TOX3: variants seen among roughly 807,000 people sequenced by gnomAD.
The protein encoded by TOX3 is CAG trinucleotide repeat-containing gene F9 protein.
Under a neutral mutation model 64.3 loss-of-function variants are expected in TOX3, and 22 were observed. The ratio of observed to expected loss-of-function variants is 0.34; its 90% CI spans 0.24 to 0.49. The LOEUF is 0.49. Among genes scored for constraint, TOX3 ranks in the 20% least tolerant of loss-of-function variants. TOX3 has a pLI of 0.99. For missense variants in TOX3, 661 were observed against 714.4 expected (o/e 0.93, Z 0.85); for synonymous variants, 291 against 273.6 (o/e 1.06, Z -0.63).
At chr16:52,539,424 C>T (rs1489980068) in intron 1 of TOX3, among the ~76,000 whole-genome samples, 1 of 152,230 alleles carries the variant, frequency 6.6e-6, no homozygotes. Flanking sequence ...CATGCAAACA[C>T]ACACATAAGC....
intron 1 of TOX3, among the ~76,000 whole-genome samples, chr16:52,545,680 A>T (rs1963158689): frequency 6.6e-6 from 1 of 152,236 alleles, no homozygotes; most frequent in Non-Finnish European, 1.5e-5. Flanking sequence ...CAGGCCATTC[A>T]GAGCCCGGCT....
intron 1 of TOX3, among the ~76,000 whole-genome samples, chr16:52,528,359 T>C (rs1313649021): frequency 6.6e-6 from 1 of 152,024 alleles, no homozygotes; most frequent in Non-Finnish European, 1.5e-5. Context: ...ATGGAGTAGG[T>C]GGGTTTATAA....
In TOX3 at chr16:52,468,496, G is replaced by C. The variant is rs1960932568; in HGVS notation, c.153+13C>G. On this transcript the variant is annotated intron_variant, in intron 2 of 6. Coordinates refer to ENST00000219746, the MANE Select transcript of TOX3 (RefSeq NM_001080430.4). ...CAAAAAACAGGAACAAACACATTAA[G>C]ACAGTCACCTACCTCACTGGCAGCG... 1.9e-6 allele frequency: 3 copies of C among 1,610,886 alleles called. No individual in the cohort carries two copies. The African/African-American group carries it at 4.0e-5, about 22-fold the overall frequency.
intron 4 of TOX3, among the ~76,000 whole-genome samples, chr16:52,449,586 G>A (rs1270519078): frequency 1.3e-5 from 2 of 152,166 alleles, no homozygotes; most frequent in Admixed American, 6.5e-5. Context: ...AATCTCATTA[G>A]CAGTAATTCT....
chr16:52,444,512 C>CACACAT (rs1960107823), intron 5 of TOX3, 156 bp from the exon 6 acceptor site: 1 of 444,384 alleles, frequency 2.3e-6, no homozygotes, highest in African/African-American at 2.0e-5. Context: ...CACACACACA[C>CACACAT]ACACACACAC....
At chr16:52,497,572 A>G (rs1961881268) in intron 1 of TOX3, among the ~76,000 whole-genome samples, 1 of 152,254 alleles carries the variant, frequency 6.6e-6, no homozygotes, top group Admixed American at 6.5e-5. Context: ...TCAACAAGTC[A>G]CTAAAGATTA....
chr16:52,546,519 G>A, intron 1 of TOX3, 118 bp downstream of exon 1: 1 of 885,018 alleles, frequency 1.1e-6, no homozygotes, highest in Non-Finnish European at 1.7e-6. Context: ...AAAGGTAGAA[G>A]AGACATGGGA....
intron 1 of TOX3, among the ~76,000 whole-genome samples, chr16:52,545,666 G>C (rs1963158304): frequency 6.6e-6 from 1 of 152,216 alleles, no homozygotes; most frequent in Admixed American, 6.5e-5. Flanking sequence ...ACATTCAAAA[G>C]GCACAGGCCA....
intron 1 of TOX3, among the ~76,000 whole-genome samples, chr16:52,470,481 A>G (rs1285181256): frequency 2.0e-5 from 3 of 152,216 alleles, no homozygotes; most frequent in Non-Finnish European, 4.4e-5. Flanking sequence ...ATAGCACCTA[A>G]AACAACAAAG....
chr16:52,526,685 T>A (rs1238705577), intron 1 of TOX3, among the ~76,000 whole-genome samples: 1 of 152,146 alleles, frequency 6.6e-6, no homozygotes, highest in Non-Finnish European at 1.5e-5. Context: ...CTTTGGGAAT[T>A]CCAGGCGTAG....
At chr16:52,480,354 T>G (rs561115789) in intron 1 of TOX3, among the ~76,000 whole-genome samples, 1 of 152,318 alleles carries the variant, frequency 6.6e-6, no homozygotes, top group Non-Finnish European at 1.5e-5. Context: ...AAATCTGAGT[T>G]ATTTTCCTTG....
chr16:52,546,741 G>A lies in TOX3; in HGVS notation c.-18C>T, dbSNP rs993238666. 49 of 1,502,860 alleles carry A rather than the reference G, an allele frequency of 3.3e-5. No homozygotes were observed. The Admixed American group carries it at 4.2e-4, about 13-fold the overall frequency. 93.1% of individuals were successfully genotyped at this position (1,502,860 alleles called of 1,614,324 possible). ...ACATCCATGCCGAAGCTGGGCCCGG[G>A]GCCGGGGGCCGGGACTGGGGTTCGC... On this transcript the variant is annotated 5_prime_UTR_variant, in exon 1 of 7. Transcript: ENST00000219746.
At position 52,471,935 on chromosome 16, in the gene TOX3, T is replaced by C. The variant is rs143107877; in HGVS notation, c.88-3361A>G. ...GAAGTCTAGCCTCCTCCCTACCTCA[T>C]GATCTCTATCATTTACATTCCGGTA... On this transcript the variant is annotated intron_variant, in intron 1 of 6. Transcript: ENST00000219746. Among the ~76,000 whole-genome samples, 1,374 of 152,320 alleles carry C rather than the reference T, an allele frequency of 9.0e-3. 21 individuals carry two copies. The highest frequency in any genetic ancestry group is 0.031 in the African/African-American group (1,306 of 41,570).
At chr16:52,479,300 T>C (rs1207001898) in intron 1 of TOX3, among the ~76,000 whole-genome samples, 4 of 152,204 alleles carry the variant, frequency 2.6e-5, no homozygotes, top group African/African-American at 9.6e-5. Context: ...GTATGCATTC[T>C]AGGCAGGAAG....
rs67145443 is a variant in TOX3 at position 52,437,789 on chromosome 16, T to TAAAAAAAAAAA, written c.*1425_*1435dup. On this transcript the variant is annotated 3_prime_UTR_variant, in exon 7 of 7. Coordinates refer to ENST00000219746, the MANE Select transcript of TOX3 (RefSeq NM_001080430.4). ...CTATACTTACCTTGTACTTGCATCT[T>TAAAAAAAAAAA]AAAAAAAAAAAAAAAAAAAAAAAAG... Among the ~76,000 whole-genome samples the TAAAAAAAAAAA allele has an allele frequency of 9.0e-6, 1 of 111,366 alleles. No individual in the cohort carries two copies. Among genetic ancestry groups the TAAAAAAAAAAA allele is most frequent in the Non-Finnish European group, 1.8e-5 (1 of 54,784 alleles). The allele number at this position is 111,366 out of a possible 152,430, so 73.1% of individuals were successfully genotyped here.
chr16:52,439,446 G>T lies in TOX3; in HGVS notation c.1510C>A (p.Gln504Lys), dbSNP rs1231402557. The T allele has an allele frequency of 6.6e-7, 1 of 1,516,272 alleles. No homozygotes were observed. Among genetic ancestry groups the T allele is most frequent in the Non-Finnish European group, 9.0e-7 (1 of 1,113,458 alleles). 93.9% of individuals were successfully genotyped at this position (1,516,272 alleles called of 1,614,324 possible). A position where few individuals can be genotyped will look rare whatever the true frequency, so the allele number is the denominator to read the frequency against. The change falls in exon 7 of 7, where the codon CAG becomes AAG. Residue 504 changes from glutamine (Q) to lysine (K), a missense_variant. Physicochemically the swap from Gln to Lys is moderately conservative, Grantham distance 53. Around this residue, in one of 3 missense-constraint regions of TOX3, gnomAD observed 299 missense variants for 292.1 expected, o/e 1.02. Transcript: ENST00000219746. ...TGCTGCAGCTGCTGCTGCAGCTGCT[G>T]TTGATTAATTTGCTGCTGGAGATGC... ...QQHLQQQINQ[Q>K]QLQQQLQQRL...
At chr16:52,471,934 A>G (rs1456339033) in intron 1 of TOX3, among the ~76,000 whole-genome samples, 1 of 152,168 alleles carries the variant, frequency 6.6e-6, no homozygotes, top group Non-Finnish European at 1.5e-5. Context: ...TCCCTACCTC[A>G]TGATCTCTAT....
rs550743984 is a variant in TOX3 at position 52,450,248 on chromosome 16, G to C, written c.678+29C>G. 9 of 1,612,666 alleles carry C rather than the reference G, an allele frequency of 5.6e-6. No homozygotes were observed. The East Asian group carries it at 1.6e-4, about 28-fold the overall frequency. Reference sequence around the variant, plus strand: ...TGGGGTAATCCCATATTCTCTGGCAGGTTACACACTAAGGCAGTTCTAACT... The same window carrying C: ...TGGGGTAATCCCATATTCTCTGGCACGTTACACACTAAGGCAGTTCTAACT... On this transcript the variant is annotated intron_variant, in intron 4 of 6. Transcript: ENST00000219746.
intron 1 of TOX3, among the ~76,000 whole-genome samples, chr16:52,544,908 C>A (rs1274813232): frequency 6.6e-6 from 1 of 152,076 alleles, no homozygotes; most frequent in Admixed American, 6.6e-5. Context: ...TGTTGCAGAT[C>A]TTAAATCAGA....
Sources: gnomAD v4.1 joint callset for allele counts (sites outside exome capture counted in the v4.1 genomes callset) on GRCh38, gnomAD v4.1.1 for gene constraint, gnomAD v4.1.1 regional missense constraint, MANE v1.5 for transcripts, NCBI Gene and HGNC (gene_info 2026-07-23, HGNC 2026-07-21) for gene names.